The following RP1 variants were observed in gnomAD, a reference collection of about 807,000 sequenced individuals.
RP1 encodes the protein RP1 axonemal microtubule associated, also known as oxygen-regulated protein 1.
In RP1, 16 loss-of-function variants were observed where a neutral mutation model predicts 14.8. That is an observed-to-expected ratio of 1.08 (90% CI 0.73 to 1.65). RP1 has a LOEUF of 1.65. Ranked by LOEUF, RP1 falls within the 40% of genes most tolerant of loss-of-function variation. RP1 has a pLI of 0.00. For missense variants in RP1, 2,631 were observed against 2,535.0 expected, an observed-to-expected ratio of 1.04 and a Z score of -0.81; for synonymous variants, 876 against 883.6, an observed-to-expected ratio of 0.99 and a Z score of 0.15.
chr8:54,751,865 CACTT>C (rs1195084050), intron 19 of RP1, among the ~76,000 whole-genome samples: 1 of 152,180 alleles, frequency 6.6e-6, no homozygotes, highest in Non-Finnish European at 1.5e-5. Flanking sequence ...AAACGGAACT[CACTT>C]AGAGCCCTCA....
exon 8 of RP1, chr8:54,673,892 T>C: frequency 6.5e-7 from 1 of 1,535,960 alleles, no homozygotes. Context: ...TGGAGATTTG[T>C]GTAAGATTGT....
intron 1 of RP1, among the ~76,000 whole-genome samples, chr8:54,603,702 C>T (rs1217200012): frequency 6.6e-6 from 1 of 152,180 alleles, no homozygotes. Flanking sequence ...TTTGTATCCT[C>T]TTTTATTTCA....
intron 7 of RP1, among the ~76,000 whole-genome samples, chr8:54,665,579 A>ACT (rs1806998648): frequency 6.6e-6 from 1 of 152,128 alleles, no homozygotes; most frequent in Admixed American, 6.6e-5. Context: ...TCTCTCACTC[A>ACT]CTCTGCATTA....
chr8:54,632,136 C>T (rs1221949217), downstream of RP1, among the ~76,000 whole-genome samples: 2 of 152,030 alleles, frequency 1.3e-5, no homozygotes, highest in Non-Finnish European at 2.9e-5. Context: ...GCCACCGCGC[C>T]CAGCCAGGGA....
chr8:54,653,010 C>A, intron 5 of RP1: 1 of 541,496 alleles, frequency 1.8e-6, no homozygotes, highest in Non-Finnish European at 3.2e-6. Context: ...GTATCATATG[C>A]CCTTAATAAT....
intron 24 of RP1, among the ~76,000 whole-genome samples, chr8:54,837,230 G>A (rs1219239787): frequency 1.3e-5 from 2 of 152,190 alleles, no homozygotes; most frequent in Non-Finnish European, 2.9e-5. Context: ...AGGATGTAAT[G>A]AAAACTAGCT....
exon 17 of RP1, chr8:54,726,362 A>T: frequency 1.3e-6 from 2 of 1,524,718 alleles, no homozygotes; most frequent in Non-Finnish European, 1.8e-6. Flanking sequence ...AGAAAACCCA[A>T]TGGGAATGTC....
rs751808961 is a variant in RP1, at chr8:54,629,677, A to G, written c.5795A>G (p.Asp1932Gly). ...ATTATCCAACCCATGAATGAGGAAG[A>G]CCGAGGATTTGCATATCGCAAAGAA... ...TVIIQPMNEE[D>G]RGFAYRKESD... The change falls in exon 4 of 4, where the codon GAC becomes GGC. Residue 1932 changes from aspartate to glycine, a missense_variant. Transcript: ENST00000220676. The G allele has an allele frequency of 1.2e-6, 2 of 1,613,796 alleles. No individual in the cohort carries two copies. The highest frequency in any genetic ancestry group is 2.2e-5 in the South Asian group (2 of 90,954).
chr8:54,616,509 T>C (rs1385115778), intron 1 of RP1, among the ~76,000 whole-genome samples: 1 of 152,172 alleles, frequency 6.6e-6, no homozygotes, highest in Non-Finnish European at 1.5e-5. Flanking sequence ...ATCTAGGCAA[T>C]ACACTAAAGA....
intron 24 of RP1, among the ~76,000 whole-genome samples, chr8:54,818,909 A>C (rs147409726): frequency 9.4e-4 from 143 of 152,120 alleles, no homozygotes; most frequent in African/African-American, 3.3e-3. Flanking sequence ...AGGCTTAAGT[A>C]GGGGCAGAAA....
At chr8:54,589,078 G>C (rs10091604) in intron 1 of RP1, among the ~76,000 whole-genome samples, 116,104 of 152,016 alleles carry the variant, frequency 0.76, 44,574 homozygotes, top group South Asian at 0.84. Context: ...CTGCTTCCTA[G>C]AGATAGATGT....
At chr8:54,573,421 A>T (rs1388013885) in intron 1 of RP1, among the ~76,000 whole-genome samples, 2 of 152,208 alleles carry the variant, frequency 1.3e-5, no homozygotes, top group Non-Finnish European at 2.9e-5. Flanking sequence ...TAAGACCAAA[A>T]ATAAAAACCT....
chr8:54,733,098 T>G (rs1247630508), intron 17 of RP1, among the ~76,000 whole-genome samples: 2 of 152,198 alleles, frequency 1.3e-5, no homozygotes, highest in African/African-American at 4.8e-5. Context: ...CACTGCTGCA[T>G]CCTGGTGAAT....
intron 4 of RP1, among the ~76,000 whole-genome samples, chr8:54,650,173 T>C (rs1431815759): frequency 6.6e-6 from 1 of 152,206 alleles, no homozygotes; most frequent in Non-Finnish European, 1.5e-5. Context: ...GTTTGATGCT[T>C]CTTTTTTCTG....
intron 3 of RP1, among the ~76,000 whole-genome samples, chr8:54,639,947 T>G (rs1806424814): frequency 6.6e-6 from 1 of 152,180 alleles, no homozygotes; most frequent in Non-Finnish European, 1.5e-5. Context: ...GTTTTAAATT[T>G]TGGTAAGCCC....
chr8:54,866,767 TGGGAAATGTTAACGACATGA>T (rs1202689216), intron 28 of RP1, among the ~76,000 whole-genome samples: 1 of 152,080 alleles, frequency 6.6e-6, no homozygotes, highest in African/African-American at 2.4e-5. Context: ...CATGGGAACA[TGGGAAATGTTAACGACATGA>T]GGGCAATGAG....
chr8:54,852,828 G>A, intron 26 of RP1: 1 of 869,586 alleles, frequency 1.1e-6, no homozygotes, highest in Non-Finnish European at 1.5e-6. Context: ...ATGCTCAGTT[G>A]ATTCCTGTGA....
intron 22 of RP1, among the ~76,000 whole-genome samples, chr8:54,768,631 T>C (rs1809823999): frequency 6.6e-6 from 1 of 152,230 alleles, no homozygotes; most frequent in African/African-American, 2.4e-5. Context: ...AAAATGCTTG[T>C]ACACGACTTT....
chr8:54,799,503 A>G (rs1810651878), intron 24 of RP1, among the ~76,000 whole-genome samples: 1 of 152,044 alleles, frequency 6.6e-6, no homozygotes, highest in South Asian at 2.1e-4. Flanking sequence ...ATATAATTAG[A>G]ATAAGATCTA....
Sources: gnomAD v4.1 joint callset for allele counts (sites outside exome capture counted in the v4.1 genomes callset) on GRCh38, gnomAD v4.1.1 for gene constraint, MANE v1.5 for transcripts, NCBI Gene and HGNC (gene_info 2026-07-23, HGNC 2026-07-21) for gene names.